The following ADD2 variants were observed in gnomAD, a reference collection of about 807,000 sequenced individuals.
ADD2 encodes adducin 2, also known as beta-adducin.
In ADD2, 23 loss-of-function variants were observed where a neutral mutation model predicts 83.0. That is an observed-to-expected ratio of 0.28 (90% CI 0.20 to 0.39). ADD2 has a LOEUF of 0.39. Ranked by LOEUF, ADD2 falls within the 10% of genes least tolerant of loss-of-function variation. ADD2 has a pLI of 1.00. For missense variants in ADD2, 758 were observed against 944.9 expected, an observed-to-expected ratio of 0.80 and a Z score of 2.59; for synonymous variants, 375 against 375.4, an observed-to-expected ratio of 1.00 and a Z score of 0.01.
intron 2 of ADD2, among the ~76,000 whole-genome samples, chr2:70,707,506 C>G (rs1473456245): frequency 6.6e-6 from 1 of 152,162 alleles, no homozygotes; most frequent in African/African-American, 2.4e-5. Flanking sequence ...ATCTTGGAGC[C>G]CTTCTGAAGA....
Position 70,718,008 on chromosome 2 carries a change from C to A in ADD2, c.-153-4824G>T, listed in dbSNP as rs114948306. ...AGTCTATGTCCATCTCCAGACACCC[C>A]CTTAGTTGGAAGAATCCTTTAACTC... On this transcript the variant is annotated intron_variant, in intron 1 of 15. Transcript: ENST00000264436. Among the ~76,000 whole-genome samples the A allele has an allele frequency of 3.5e-3, 538 of 152,282 alleles. 2 individuals are homozygous for A. The highest frequency in any genetic ancestry group is 0.012 in the African/African-American group (508 of 41,562).
In ADD2 at chr2:70,768,071, C is replaced by G; in HGVS notation, c.-339G>C. 7.9e-7 allele frequency: 1 copy of G among 1,271,836 alleles called. No individual in the cohort carries two copies. Among genetic ancestry groups the G allele is most frequent in the Non-Finnish European group, 1.1e-6 (1 of 945,422 alleles). 78.8% of individuals were successfully genotyped at this position (1,271,836 alleles called of 1,614,324 possible). ...GAGATCCCCCAGCAGTGCAGCGGCTCCGCGGCGGCGGGGATGACTGGCCAC... is the reference window on the plus strand; with the variant it reads ...GAGATCCCCCAGCAGTGCAGCGGCTGCGCGGCGGCGGGGATGACTGGCCAC... On this transcript the variant is annotated 5_prime_UTR_variant, in exon 1 of 16. Transcript: ENST00000264436.
intron 4 of ADD2, 58 bp downstream of exon 4, chr2:70,704,263 T>TGGCCCCCCCCCCCACCCCC: frequency 1.1e-6 from 1 of 913,238 alleles, no homozygotes. Context: ...CTCCCTCTCT[T>TGGCCCCCCCCCCCACCCCC]CCCCACCCCA....
intron 1 of ADD2, among the ~76,000 whole-genome samples, chr2:70,733,287 G>A (rs7595113): frequency 0.032 from 4,906 of 152,268 alleles, 271 homozygotes; most frequent in African/African-American, 0.11. Flanking sequence ...TGCTTTTTAA[G>A]GAGGCTTTAA....
At chr2:70,679,849 C>T (rs1553369236) in intron 10 of ADD2, among the ~76,000 whole-genome samples, 1 of 152,068 alleles carries the variant, frequency 6.6e-6, no homozygotes, top group East Asian at 1.9e-4. Context: ...CATATAATGG[C>T]TACTTAACTA....
chr2:70,668,927 C>T (rs868973748), intron 15 of ADD2, among the ~76,000 whole-genome samples: 2 of 152,164 alleles, frequency 1.3e-5, no homozygotes, highest in African/African-American at 4.8e-5. Flanking sequence ...GGATCCTGAC[C>T]TACATTCCAA....
chr2:70,724,338 T>C (rs1351818085), intron 1 of ADD2, among the ~76,000 whole-genome samples: 2 of 152,216 alleles, frequency 1.3e-5, no homozygotes, highest in East Asian at 1.9e-4. Context: ...ATGGTGACCA[T>C]TGCAGTACCT....
chr2:70,749,688 C>T (rs1331412585), intron 1 of ADD2, among the ~76,000 whole-genome samples: 2 of 152,174 alleles, frequency 1.3e-5, no homozygotes, highest in Non-Finnish European at 2.9e-5. Flanking sequence ...TATCCTTTTC[C>T]CTCACCTCTT....
intron 6 of ADD2, among the ~76,000 whole-genome samples, chr2:70,695,107 G>A (rs1267883386): frequency 6.6e-6 from 1 of 152,124 alleles, no homozygotes; most frequent in East Asian, 1.9e-4. Context: ...CTACACCTGA[G>A]CATGTCTCAA....
intron 1 of ADD2, among the ~76,000 whole-genome samples, chr2:70,762,563 A>C (rs1265437242): frequency 6.6e-6 from 1 of 151,202 alleles, no homozygotes; most frequent in Non-Finnish European, 1.5e-5. Flanking sequence ...ATGTAAAAAC[A>C]TATAAAATAT....
At chr2:70,733,099 G>A (rs367565271) in intron 1 of ADD2, among the ~76,000 whole-genome samples, 4 of 152,148 alleles carry the variant, frequency 2.6e-5, no homozygotes, top group African/African-American at 9.7e-5. Context: ...AATTAGCCAC[G>A]TTTGAACAAA....
In ADD2 at chr2:70,706,461, G is replaced by C; in HGVS notation, c.-34-19C>G. ...TGGAACTCTACAGAGAAGGGGAGAG[G>C]GTATGCGGTCAGGTTGGTGCTCCCC... On this transcript the variant is annotated intron_variant, in intron 2 of 15. Transcript: ENST00000264436. This position sits in a 1 kb window ranked among gnomAD's most constrained non-coding sequence, Gnocchi z 5.0. 1 of 1,556,120 alleles carries C rather than the reference G, an allele frequency of 6.4e-7. No homozygotes were observed. The highest frequency in any genetic ancestry group is 8.7e-7 in the Non-Finnish European group (1 of 1,153,362).
intron 10 of ADD2, among the ~76,000 whole-genome samples, chr2:70,682,355 G>A (rs575193796): frequency 5.9e-5 from 9 of 152,126 alleles, no homozygotes; most frequent in Non-Finnish European, 1.2e-4. Flanking sequence ...GCTTTCTTTA[G>A]GCATAGATTA....
intron 1 of ADD2, among the ~76,000 whole-genome samples, chr2:70,722,396 G>A (rs1399745400): frequency 9.2e-5 from 14 of 152,200 alleles, no homozygotes; most frequent in African/African-American, 2.7e-4. Context: ...AAATGCTGGG[G>A]AAATGTGTGT....
intron 14 of ADD2, among the ~76,000 whole-genome samples, chr2:70,673,581 A>G (rs543145404): frequency 2.6e-5 from 4 of 152,354 alleles, no homozygotes; most frequent in African/African-American, 9.6e-5. Flanking sequence ...CAAGCAAGCC[A>G]GCAAGGGTTT....
intron 1 of ADD2, among the ~76,000 whole-genome samples, chr2:70,742,676 G>A (rs1673977983): frequency 6.6e-6 from 1 of 152,110 alleles, no homozygotes; most frequent in Non-Finnish European, 1.5e-5. Flanking sequence ...AGAAAACAAA[G>A]TACTGTAGCC....
intron 7 of ADD2, 110 bp downstream of exon 7, chr2:70,692,293 T>G: frequency 2.3e-6 from 3 of 1,282,088 alleles, no homozygotes; most frequent in Non-Finnish European, 3.1e-6. Context: ...TTCTCTCGCT[T>G]CACCTTGGCC....
intron 10 of ADD2, among the ~76,000 whole-genome samples, chr2:70,679,173 A>G (rs1670333652): frequency 6.6e-6 from 1 of 152,126 alleles, no homozygotes; most frequent in Admixed American, 6.5e-5. Flanking sequence ...CTCTACCCCA[A>G]CAAGTCCTCT....
chr2:70,697,294 G>A (rs1291936716), intron 4 of ADD2, among the ~76,000 whole-genome samples: 5 of 152,216 alleles, frequency 3.3e-5, no homozygotes, highest in African/African-American at 1.2e-4. Context: ...GCTCCTCTCT[G>A]GGCATGCAGT....
Sources: allele counts gnomAD v4.1 joint callset (sites outside exome capture counted in the v4.1 genomes callset), GRCh38; gene constraint gnomAD v4.1.1; non-coding constraint Gnocchi (gnomAD v3.1); transcripts MANE v1.5; gene names NCBI Gene and HGNC (gene_info 2026-07-23, HGNC 2026-07-21).